The following NTSR2 variants were observed in gnomAD, a reference collection of about 807,000 sequenced individuals.
NTSR2 encodes the protein neurotensin receptor type 2.
In NTSR2, 22 loss-of-function variants were observed where a neutral mutation model predicts 24.1. The ratio of observed to expected loss-of-function variants is 0.91; its 90% CI spans 0.65 to 1.30. The LOEUF (loss-of-function observed/expected upper bound fraction) is 1.30. Ranked by LOEUF, NTSR2 falls within the 50% of genes most tolerant of loss-of-function variation. The pLI is 0.00. For missense variants in NTSR2, 570 were observed against 570.4 expected (o/e 1.00, Z 0.01); for synonymous variants, 291 against 267.0 (o/e 1.09, Z -0.88).
At chr2:11,662,294 G>A (rs1045957919) in intron 1 of NTSR2, 54 bp from the exon 2 acceptor site, 20 of 1,431,890 alleles carry the variant, frequency 1.4e-5, no homozygotes, top group Admixed American at 5.3e-5. Flanking sequence ...TGCGGCCCTC[G>A]CCATCTGGCT....
chr2:11,666,286 C>G lies in NTSR2; in HGVS notation c.624+3220G>C, dbSNP rs536538539. The stretch of plus-strand genomic sequence containing the variant: ...AGCTACTGTGGGGTTCCTCATCCTA[C>G]CAAACTCTCACACCCCTTTGCTTAC... On this transcript the variant is annotated intron_variant, in intron 1 of 3. Transcript: ENST00000306928. Among the ~76,000 whole-genome samples the G allele has an allele frequency of 5.1e-4, 78 of 152,218 alleles. 1 individual carries two copies. The highest frequency in any genetic ancestry group is 1.8e-3 in the African/African-American group (74 of 41,528).
Position 11,658,711 on chromosome 2 carries a change from T to G in NTSR2, c.1001A>C (p.Asn334Thr). 2 of 1,614,058 alleles carry G rather than the reference T, an allele frequency of 1.2e-6. No individual in the cohort carries two copies. The highest frequency in any genetic ancestry group is 1.7e-6 in the Non-Finnish European group (2 of 1,179,992). The change falls in exon 4 of 4, where the codon AAT becomes ACT. Residue 334 changes from asparagine (N) to threonine (T), a missense_variant. Coordinates refer to ENST00000306928, the MANE Select transcript of NTSR2 (RefSeq NM_012344.4). ...CACCATGTAGAAGTAGTGGTAGAAA[T>G]TGTACAGTGGGCTGCAAGAGAAACC... Reference protein sequence around the residue: ...PDDAWTDPLYNFYHYFYMVTN... With the variant: ...PDDAWTDPLYTFYHYFYMVTN...
intron 1 of NTSR2, among the ~76,000 whole-genome samples, chr2:11,667,285 G>T (rs1275166471): frequency 6.6e-6 from 1 of 151,908 alleles, no homozygotes; most frequent in Non-Finnish European, 1.5e-5. Context: ...CCCCTCTCCA[G>T]CCTCTTTCCC....
Position 11,670,011 on chromosome 2 carries a change from G to T in NTSR2, c.119C>A (p.Ala40Glu), listed in dbSNP as rs746286156. The change falls in exon 1 of 4, where the codon GCA becomes GAA. Residue 40 changes from alanine (A) to glutamate (E), a missense_variant. Physicochemically the swap from Ala to Glu is moderately radical, Grantham distance 107 (BLOSUM62 -1). Coordinates refer to ENST00000306928, the MANE Select transcript of NTSR2 (RefSeq NM_012344.4). ...WAKVLFTALYALIWALGAAGN... is the reference protein window; with the variant it reads ...WAKVLFTALYELIWALGAAGN... Reference sequence around the variant, plus strand: ...CGCCGCGCCCAGCGCCCAGATGAGTGCGTAGAGCGCGGTGAACAGCACCTT... The same window carrying T: ...CGCCGCGCCCAGCGCCCAGATGAGTTCGTAGAGCGCGGTGAACAGCACCTT... The T allele has an allele frequency of 6.6e-7, 1 of 1,517,372 alleles. No homozygotes were observed. The highest frequency in any genetic ancestry group is 2.1e-5 in the Admixed American group (1 of 47,170). 94.0% of individuals were successfully genotyped at this position (1,517,372 alleles called of 1,614,324 possible).
rs778778739 is a variant in NTSR2, at chr2:11,658,540, T to C, written c.1172A>G (p.Gln391Arg). 6.2e-7 allele frequency: 1 copy of C among 1,614,066 alleles called. No individual in the cohort carries two copies. The highest frequency in any genetic ancestry group is 1.3e-5 in the African/African-American group (1 of 74,926). ...AGCTGTATCCATTAGGGTGGGACTC[T>C]GGGGCTTCGGGGGTAACCGCTTCAT... ...HPMKRLPPKPQSPTLMDTASG... is the reference protein window; with the variant it reads ...HPMKRLPPKPRSPTLMDTASG... Residue 391 changes from glutamine (Q) to arginine (R), a missense_variant, in exon 4 of 4, where the codon CAG (glutamine) becomes CGG (arginine). By Grantham distance (43) the Gln-to-Arg change is conservative (BLOSUM62 1). Transcript: ENST00000306928.
At chr2:11,667,839 T>A (rs1389171754) in intron 1 of NTSR2, among the ~76,000 whole-genome samples, 1 of 152,118 alleles carries the variant, frequency 6.6e-6, no homozygotes, top group Non-Finnish European at 1.5e-5. Flanking sequence ...CACGGGAAAA[T>A]CACTGCAGAC....
At position 11,662,318 on chromosome 2, in the gene NTSR2, G is replaced by A. The variant is rs1054030455; in HGVS notation, c.625-78C>T. 4.3e-5 allele frequency: 58 copies of A among 1,351,380 alleles called. No homozygotes were observed. In the South Asian group the frequency reaches 6.3e-4, roughly 15 times the overall value. 83.7% of individuals were successfully genotyped at this position (1,351,380 alleles called of 1,614,324 possible). A position where few individuals can be genotyped will look rare whatever the true frequency, so the allele number is the denominator to read the frequency against. Reference sequence around the variant, plus strand: ...CGCCATCTGGCTGTGCCCCAGACCCGGAATCTGCATCAGCAGAAGGAGCGG... The same window carrying A: ...CGCCATCTGGCTGTGCCCCAGACCCAGAATCTGCATCAGCAGAAGGAGCGG... On this transcript the variant is annotated intron_variant, in intron 1 of 3. Coordinates refer to ENST00000306928, the MANE Select transcript of NTSR2 (RefSeq NM_012344.4).
intron 1 of NTSR2, 46 bp downstream of exon 1, chr2:11,669,460 G>GGGGGGGCC: frequency 3.9e-6 from 1 of 254,726 alleles, no homozygotes; most frequent in Non-Finnish European, 6.9e-6. Context: ...TCCCAGCACC[G>GGGGGGGCC]CCCCCCCACC....
chr2:11,666,082 G>A (rs1184236867), intron 1 of NTSR2: 3 of 152,288 alleles, frequency 2.0e-5, no homozygotes, highest in South Asian at 2.1e-4. Context: ...GAATCGATGT[G>A]GCAAAAGGAG....
chr2:11,662,831 T>G (rs1661108600), intron 1 of NTSR2, among the ~76,000 whole-genome samples: 1 of 152,176 alleles, frequency 6.6e-6, no homozygotes, highest in African/African-American at 2.4e-5. Flanking sequence ...GAATCTGAGC[T>G]TCTAGACTGA....
intron 1 of NTSR2, 46 bp downstream of exon 1, chr2:11,669,460 G>GGGGGGGGGGCCCCCCCC: frequency 3.9e-6 from 1 of 254,726 alleles, no homozygotes; most frequent in Non-Finnish European, 6.9e-6. Context: ...TCCCAGCACC[G>GGGGGGGGGGCCCCCCCC]CCCCCCCACC....
intron 3 of NTSR2, 149 bp downstream of exon 3, chr2:11,659,894 A>G (rs1440175810): frequency 1.7e-6 from 1 of 593,338 alleles, no homozygotes; most frequent in African/African-American, 1.8e-5. Context: ...GGAGATTTCA[A>G]GGCACAGACT....
At position 11,669,788 on chromosome 2, in the gene NTSR2, C is replaced by T. The variant is rs1188846495; in HGVS notation, c.342G>A (p.Val114=). The T allele has an allele frequency of 2.6e-6, 4 of 1,554,716 alleles. No individual in the cohort carries two copies. Among genetic ancestry groups the T allele is most frequent in the East Asian group, 2.3e-5 (1 of 42,562 alleles). ...CCGTGGCGTAGGCGCACAGCTCGTG[C>T]ACGAAGTAGTAGCCGCGGCAGCCCA... ...GDLGCRGYYF[V]HELCAYATVL... is the part of the protein sequence containing the mutation. The change falls in exon 1 of 4, where the codon GTG becomes GTA. Residue 114 remains valine (V), a synonymous_variant. Transcript: ENST00000306928.
intron 1 of NTSR2, among the ~76,000 whole-genome samples, chr2:11,668,295 A>C (rs1661247908): frequency 6.6e-6 from 1 of 152,218 alleles, no homozygotes; most frequent in Non-Finnish European, 1.5e-5. Flanking sequence ...GACACGAACA[A>C]AGGTGGGATC....
intron 1 of NTSR2, among the ~76,000 whole-genome samples, chr2:11,667,387 C>T (rs922690756): frequency 9.1e-4 from 139 of 152,296 alleles, no homozygotes; most frequent in Admixed American, 4.6e-4. Flanking sequence ...TGCTCTGTCA[C>T]CCCCGCTGGA....
chr2:11,669,947 C>T lies in NTSR2; in HGVS notation c.183G>A (p.Arg61=). 6.6e-7 allele frequency: 1 copy of T among 1,513,206 alleles called. No homozygotes were observed. Among genetic ancestry groups the T allele is most frequent in the East Asian group, 2.5e-5 (1 of 39,940 alleles). 93.7% of individuals were successfully genotyped at this position (1,513,206 alleles called of 1,614,324 possible). A position where few individuals can be genotyped will look rare whatever the true frequency, so the allele number is the denominator to read the frequency against. ...ALSAHVVLKA[R]AGRAGRLRHH... ...GGCGCAGGCGCCCCGCGCGCCCGGC[C>T]CGCGCCTTCAGCACCACGTGCGCGG... Residue 61 remains arginine, a synonymous_variant, in exon 1 of 4, where the codon CGG becomes CGA. Transcript: ENST00000306928.
chr2:11,662,258 A>C lies in NTSR2; in HGVS notation c.625-18T>G. On this transcript the variant is annotated intron_variant, in intron 1 of 3. Coordinates refer to ENST00000306928, the MANE Select transcript of NTSR2 (RefSeq NM_012344.4). ...ACATTCACCTGTGGAGGTAATGCCA[A>C]GGGCTATGGGGCAGCGCCAGGGCCC... is the stretch of plus-strand genomic sequence containing the variant. 2 of 1,487,650 alleles carry C rather than the reference A, an allele frequency of 1.3e-6. No homozygotes were observed. Among genetic ancestry groups the C allele is most frequent in the East Asian group, 4.8e-5 (2 of 41,338 alleles). The allele number at this position is 1,487,650 out of a possible 1,614,324, so 92.2% of individuals were successfully genotyped here.
chr2:11,670,013 G>T lies in NTSR2; in HGVS notation c.117C>A (p.Tyr39Ter). Residue 39 changes from tyrosine to a stop codon, truncating the protein, a stop_gained, in exon 1 of 4, where the codon TAC (tyrosine) becomes TAA (stop). Coordinates refer to ENST00000306928, the MANE Select transcript of NTSR2 (RefSeq NM_012344.4). LOFTEE classifies it high-confidence loss of function. The part of the protein sequence containing the change: ...LWAKVLFTAL[Y>*]ALIWALGAAG... ...CCGCGCCCAGCGCCCAGATGAGTGCGTAGAGCGCGGTGAACAGCACCTTGG... is the reference window on the plus strand; with the variant it reads ...CCGCGCCCAGCGCCCAGATGAGTGCTTAGAGCGCGGTGAACAGCACCTTGG... The T allele has an allele frequency of 2.0e-6, 3 of 1,516,986 alleles. No individual in the cohort carries two copies. Among genetic ancestry groups the T allele is most frequent in the South Asian group, 1.2e-5 (1 of 81,062 alleles). The allele number at this position is 1,516,986 out of a possible 1,614,324, so 94.0% of individuals were successfully genotyped here. A position where few individuals can be genotyped will look rare whatever the true frequency, so the allele number is the denominator to read the frequency against.
At chr2:11,662,925 AAAGAG>A (rs913562668) in intron 1 of NTSR2, among the ~76,000 whole-genome samples, 1 of 152,240 alleles carries the variant, frequency 6.6e-6, no homozygotes, top group Admixed American at 6.5e-5. Flanking sequence ...TCTTAGGTAT[AAAGAG>A]AAGATCTTGA....
Sources: allele counts gnomAD v4.1 joint callset (sites outside exome capture counted in the v4.1 genomes callset), GRCh38; gene constraint gnomAD v4.1.1; transcripts MANE v1.5; gene names NCBI Gene and HGNC (gene_info 2026-07-23, HGNC 2026-07-21).